Variants in GON4L observed in about 807,000 individuals in gnomAD.
GON4L encodes the protein GON-4-like protein.
In GON4L, 87 loss-of-function variants were observed where a neutral mutation model predicts 211.8. That is an observed-to-expected ratio of 0.41 (90% CI 0.35 to 0.49). The LOEUF (loss-of-function observed/expected upper bound fraction) is 0.49, where lower values mean the gene tolerates loss of function less well. Ranked by LOEUF, GON4L falls within the 20% of genes least tolerant of loss-of-function variation. GON4L has a pLI of 0.15. For synonymous variants in GON4L, 875 were observed against 962.6 expected (o/e 0.91, Z 1.68); for missense variants, 2,155 against 2,659.5 (o/e 0.81, Z 4.17).
Position 155,773,180 on chromosome 1 carries a change from A to C in GON4L, c.2381T>G (p.Val794Gly). ...CTTGCTTGTGGCCAGAATCCAAGCC[A>C]CTTGCTTTGGCAAACAGGGAAATTC... ...ANEFPCLPKQ[V>G]AWILATSKVF... The change falls in exon 18 of 32, where the codon GTG (valine) becomes GGG (glycine). Residue 794 changes from valine to glycine, a missense_variant. Val to Gly is a moderately radical substitution (Grantham distance 109). Coordinates refer to ENST00000368331, the MANE Select transcript of GON4L (RefSeq NM_001282860.2). 1 of 1,614,142 alleles carries C rather than the reference A, an allele frequency of 6.2e-7. No homozygotes were observed. Among genetic ancestry groups the C allele is most frequent in the Non-Finnish European group, 8.5e-7 (1 of 1,179,972 alleles).
chr1:155,745,392 G>A (rs1293503769), downstream of GON4L, among the ~76,000 whole-genome samples: 2 of 152,224 alleles, frequency 1.3e-5, no homozygotes, highest in Admixed American at 6.5e-5. Context: ...AGAGATGAGG[G>A]GGCATGGGAG....
At chr1:155,820,920 T>G (rs972344056) in intron 5 of GON4L, among the ~76,000 whole-genome samples, 2 of 152,040 alleles carry the variant, frequency 1.3e-5, no homozygotes, top group Non-Finnish European at 2.9e-5. Flanking sequence ...CTTAGGAGTT[T>G]GAGTCCAGCC....
intron 21 of GON4L, among the ~76,000 whole-genome samples, chr1:155,763,900 G>A (rs1311646260): frequency 6.6e-6 from 1 of 151,974 alleles, no homozygotes; most frequent in Non-Finnish European, 1.5e-5. Context: ...CTACTTGGGA[G>A]GTTGAGGCAT....
intron 6 of GON4L, among the ~76,000 whole-genome samples, chr1:155,817,269 TA>T (rs917262730): frequency 1.3e-5 from 2 of 152,206 alleles, no homozygotes; most frequent in Non-Finnish European, 2.9e-5. Context: ...ACTGGGATTA[TA>T]GGTGTGAGCC....
chr1:155,831,218 G>A (rs1669731086), intron 2 of GON4L, among the ~76,000 whole-genome samples: 1 of 152,096 alleles, frequency 6.6e-6, no homozygotes, highest in Non-Finnish European at 1.5e-5. Flanking sequence ...AGAATCACTT[G>A]AGCCTAGGAG....
chr1:155,776,288 C>A (rs2101842184), intron 16 of GON4L, 107 bp downstream of exon 16: 2 of 880,834 alleles, frequency 2.3e-6, no homozygotes, highest in East Asian at 5.1e-5. Flanking sequence ...TCAAAAATAC[C>A]CGAGAGAAGA....
intron 15 of GON4L, among the ~76,000 whole-genome samples, chr1:155,776,856 C>A (rs992471656): frequency 6.6e-6 from 1 of 152,136 alleles, no homozygotes; most frequent in Non-Finnish European, 1.5e-5. Flanking sequence ...ACCCAGCCCC[C>A]AGAGAGACAA....
In GON4L at chr1:155,803,535, G is replaced by A. The variant is rs1001645189; in HGVS notation, c.1645+1414C>T. On this transcript the variant is annotated intron_variant, in intron 11 of 31. Coordinates refer to ENST00000368331, the MANE Select transcript of GON4L (RefSeq NM_001282860.2). ...TGGGATAATAGGTGTGAGCCACCAC[G>A]CCCAGCCTACTTAGTCTGTTTCCAT... Among the ~76,000 whole-genome samples the A allele has an allele frequency of 3.9e-5, 6 of 152,100 alleles. No homozygotes were observed. The South Asian group carries it at 6.2e-4, about 16-fold the overall frequency.
intron 10 of GON4L, among the ~76,000 whole-genome samples, chr1:155,812,475 C>T (rs1222699982): frequency 6.6e-6 from 1 of 151,882 alleles, no homozygotes; most frequent in African/African-American, 2.4e-5. Context: ...AATTTTTTTC[C>T]TCCAACATAA....
At chr1:155,821,625 C>A in intron 4 of GON4L, 77 bp from the exon 5 acceptor site, 1 of 844,270 alleles carries the variant, frequency 1.2e-6, no homozygotes, top group South Asian at 1.3e-5. Flanking sequence ...ATGTAACTGT[C>A]AGACCTATGT....
intron 24 of GON4L, 148 bp downstream of exon 24, chr1:155,760,296 A>C: frequency 1.9e-6 from 1 of 524,636 alleles, no homozygotes; most frequent in Non-Finnish European, 3.4e-6. Flanking sequence ...TACCCTGAAA[A>C]GACAGAGGCT....
At chr1:155,855,182 C>T (rs1672160431) in intron 1 of GON4L, among the ~76,000 whole-genome samples, 1 of 152,118 alleles carries the variant, frequency 6.6e-6, no homozygotes, top group Non-Finnish European at 1.5e-5. Context: ...CATTACTGAC[C>T]TAAACCAGAG....
At chr1:155,767,133 C>T (rs988105387) in intron 20 of GON4L, 11 of 696,778 alleles carry the variant, frequency 1.6e-5, no homozygotes, top group Middle Eastern at 4.1e-4. Flanking sequence ...AGGCATCTTT[C>T]CAAGAAGGGT....
intron 1 of GON4L, among the ~76,000 whole-genome samples, chr1:155,855,132 T>C (rs1672156523): frequency 6.6e-6 from 1 of 152,294 alleles, no homozygotes; most frequent in Middle Eastern, 3.4e-3. Flanking sequence ...ATGTTACTTC[T>C]TGGCTTTTTG....
intron 2 of GON4L, chr1:155,845,573 T>C (rs898025280): frequency 3.5e-6 from 1 of 289,776 alleles, no homozygotes; most frequent in Non-Finnish European, 7.0e-6. Context: ...AGATAATTGT[T>C]TTTTAGCCCA....
rs1482136195 is a variant in GON4L, at chr1:155,813,791, G to A, written c.1295C>T (p.Thr432Ile). ...SGILSEAEKV[T>I]TPAIRHISAE... ...ACTGATGTGCCTGATGGCTGGTGTGGTGACTTTCTCAGCCTGATTAAAAGA... is the reference window on the plus strand; with the variant it reads ...ACTGATGTGCCTGATGGCTGGTGTGATGACTTTCTCAGCCTGATTAAAAGA... Residue 432 changes from threonine to isoleucine, a missense_variant, in exon 10 of 32, where the codon ACC (threonine) becomes ATC (isoleucine). Around this residue, in one of 6 missense-constraint regions of GON4L, gnomAD observed 551 missense variants for 854.0 expected, o/e 0.65. Coordinates refer to ENST00000368331, the MANE Select transcript of GON4L (RefSeq NM_001282860.2). The A allele has an allele frequency of 1.2e-6, 2 of 1,613,764 alleles. No homozygotes were observed. The highest frequency in any genetic ancestry group is 1.7e-6 in the Non-Finnish European group (2 of 1,179,842).
rs1381570764 is a variant in GON4L at position 155,785,370 on chromosome 1, C to T, written c.1752G>A (p.Lys584=). ...GCTCTTCCATCAGCTCATTTACTTC[C>T]TTTTCTGCAAGAAAGCCAGACAGTA... ...RTDRAVRITK[K]EVNELMEELF... The change falls in exon 13 of 32, where the codon AAG becomes AAA. Residue 584 remains lysine (K), a synonymous_variant. Coordinates refer to ENST00000368331, the MANE Select transcript of GON4L (RefSeq NM_001282860.2). The T allele has an allele frequency of 1.3e-6, 2 of 1,596,814 alleles. No individual in the cohort carries two copies. The highest frequency in any genetic ancestry group is 2.7e-5 in the African/African-American group (2 of 74,602).
intron 2 of GON4L, among the ~76,000 whole-genome samples, chr1:155,849,886 ATTTTC>A: frequency 6.7e-6 from 1 of 149,430 alleles, no homozygotes; most frequent in Middle Eastern, 3.5e-3. Flanking sequence ...TCTCCTTACT[ATTTTC>A]TTTAAACTAT....
At position 155,822,467 on chromosome 1, in the gene GON4L, T is replaced by C; in HGVS notation, c.707A>G (p.Asp236Gly). The C allele has an allele frequency of 1.9e-6, 3 of 1,612,488 alleles. No homozygotes were observed. The highest frequency in any genetic ancestry group is 2.5e-6 in the Non-Finnish European group (3 of 1,179,064). Residue 236 changes from aspartate to glycine, a missense_variant, in exon 4 of 32, where the codon GAC becomes GGC. Transcript: ENST00000368331. ...TCTCCTTTTCTCACTTTCTTCATTG[T>C]CTTGTTCTTCTGCAAATAAACCAAG... ...GGLFIPMEEQDNEESEKRRKK... is the reference protein window; with the variant it reads ...GGLFIPMEEQGNEESEKRRKK...
Sources: allele counts gnomAD v4.1 joint callset (sites outside exome capture counted in the v4.1 genomes callset), GRCh38; gene constraint gnomAD v4.1.1; regional missense constraint gnomAD v4.1.1; transcripts MANE v1.5; gene names NCBI Gene and HGNC (gene_info 2026-07-23, HGNC 2026-07-21).